The following KDM3B variants were observed in gnomAD, a reference collection of about 807,000 sequenced individuals.
KDM3B encodes the protein lysine-specific demethylase 3B.
A neutral mutation model predicts 170.0 loss-of-function variants in KDM3B; 10 were observed. The ratio of observed to expected loss-of-function variants is 0.06; its 90% CI spans 0.04 to 0.10. KDM3B has a LOEUF of 0.10. KDM3B is among the 10% of genes least tolerant of loss of function. The pLI is 1.00. For synonymous variants in KDM3B, 831 were observed against 834.8 expected (o/e 1.00, Z 0.08); for missense variants, 1,394 against 2,195.2 (o/e 0.64, Z 7.29).
chr5:138,426,923 C>G, intron 17 of KDM3B, 52 bp from the exon 18 acceptor site: 1 of 1,337,980 alleles, frequency 7.5e-7, no homozygotes, highest in Non-Finnish European at 1.1e-6. Flanking sequence ...TGTTGAAAAT[C>G]GGACACCAGC....
intron 11 of KDM3B, among the ~76,000 whole-genome samples, chr5:138,408,907 A>G (rs761641335): frequency 5.9e-5 from 9 of 152,150 alleles, no homozygotes; most frequent in Admixed American, 1.3e-4. Flanking sequence ...AATGTTAACA[A>G]TTTTTTGTGC....
At chr5:138,367,489 T>C (rs1249176137) in intron 1 of KDM3B, among the ~76,000 whole-genome samples, 4 of 152,190 alleles carry the variant, frequency 2.6e-5, no homozygotes, top group Non-Finnish European at 4.4e-5. Context: ...AAAAAACTTA[T>C]TTAAATGTCA....
chr5:138,367,181 C>T lies in KDM3B; in HGVS notation c.193-5493C>T, dbSNP rs74490371. ...ATCTTTATTATTACCCTGATTACTT[C>T]GCACTGTAATAATTTCTGTACCTCT... On this transcript the variant is annotated intron_variant, in intron 1 of 23. Transcript: ENST00000314358. 7.6e-4 allele frequency among the ~76,000 whole-genome samples: 115 copies of T among 152,260 alleles called. 5 individuals carry two copies. The East Asian group carries it at 0.021, about 28-fold the overall frequency.
At chr5:138,404,998 C>A (rs1762780004) in intron 11 of KDM3B, among the ~76,000 whole-genome samples, 1 of 151,530 alleles carries the variant, frequency 6.6e-6, no homozygotes, top group Non-Finnish European at 1.5e-5. Flanking sequence ...ATCTCAGCCT[C>A]CCAAAGTGCT....
At chr5:138,374,873 A>T (rs919003018) in intron 2 of KDM3B, among the ~76,000 whole-genome samples, 1 of 152,216 alleles carries the variant, frequency 6.6e-6, no homozygotes, top group African/African-American at 2.4e-5. Context: ...TTTTTAGCCA[A>T]TAAGAGTATT....
intron 10 of KDM3B, 81 bp downstream of exon 10, chr5:138,398,473 A>T: frequency 8.0e-7 from 1 of 1,245,344 alleles, no homozygotes; most frequent in South Asian, 1.3e-5. Flanking sequence ...AAGATTGGGG[A>T]CAGTGGCAGA....
chr5:138,384,042 G>A (rs1396726037), intron 6 of KDM3B, among the ~76,000 whole-genome samples: 1 of 145,482 alleles, frequency 6.9e-6, no homozygotes, highest in Non-Finnish European at 1.5e-5. Flanking sequence ...GGATCACGAG[G>A]TCAGGAGATC....
intron 7 of KDM3B, 135 bp from the exon 8 acceptor site, chr5:138,390,878 A>G (rs2126949409): frequency 1.3e-6 from 1 of 769,550 alleles, no homozygotes; most frequent in African/African-American, 1.8e-5. Flanking sequence ...ACAAGAGCAG[A>G]TCCATGGAAT....
intron 23 of KDM3B, 85 bp downstream of exon 23, chr5:138,431,644 G>T: frequency 8.1e-7 from 1 of 1,238,390 alleles, no homozygotes; most frequent in Non-Finnish European, 1.1e-6. Context: ...TCCTTTCTGA[G>T]GGTATTCTCC....
intron 11 of KDM3B, 27 bp downstream of exon 11, chr5:138,400,039 C>T (rs781489097): frequency 5.6e-6 from 9 of 1,610,624 alleles, no homozygotes; most frequent in African/African-American, 2.7e-5. Flanking sequence ...CTGTGTAGCT[C>T]GAAAGGTAAC....
intron 9 of KDM3B, chr5:138,397,969 G>C (rs1327730578): frequency 2.1e-6 from 1 of 469,298 alleles, no homozygotes; most frequent in Non-Finnish European, 3.8e-6. Context: ...AGGAACTCTG[G>C]GACAGCTTTT....
chr5:138,386,495 G>T lies in KDM3B; in HGVS notation c.1254G>T (p.Val418=). Residue 418 remains valine, a synonymous_variant, in exon 7 of 24, where the codon GTG becomes GTT. Transcript: ENST00000314358. ...KTLEQVGQGI[V]ASAAVVTTAS... is the part of the protein sequence containing the mutation. ...TGGAACAAGTTGGCCAGGGCATAGT[G>T]GCTTCCGCAGCTGTGGTCACTACCG... 1 of 1,614,140 alleles carries T rather than the reference G, an allele frequency of 6.2e-7. No homozygotes were observed. Among genetic ancestry groups the T allele is most frequent in the Non-Finnish European group, 8.5e-7 (1 of 1,180,032 alleles).
At chr5:138,385,579 A>G (rs575248767) in intron 6 of KDM3B, among the ~76,000 whole-genome samples, 170 of 152,306 alleles carry the variant, frequency 1.1e-3, no homozygotes, top group Non-Finnish European at 1.3e-3. Flanking sequence ...TGGTTTAGTG[A>G]CTTCTGGTTA....
At chr5:138,363,297 C>T (rs937172802) in intron 1 of KDM3B, among the ~76,000 whole-genome samples, 3 of 152,176 alleles carry the variant, frequency 2.0e-5, no homozygotes, top group Admixed American at 6.5e-5. Context: ...GGAATTTCTA[C>T]TCCGTGGCCC....
intron 7 of KDM3B, among the ~76,000 whole-genome samples, chr5:138,389,691 T>G (rs562933655): frequency 1.1e-4 from 17 of 152,080 alleles, no homozygotes; most frequent in African/African-American, 4.1e-4. Flanking sequence ...GGTTAGCAAG[T>G]CAAGTACTAG....
rs1301363836 is a variant in KDM3B, at chr5:138,428,065, G to A, written c.4732G>A (p.Gly1578Arg). The change falls in exon 20 of 24, where the codon GGG becomes AGG. Residue 1578 changes from glycine (G) to arginine (R), a missense_variant. Gly to Arg is a moderately radical substitution (Grantham distance 125). Around this residue, in one of 19 missense-constraint regions of KDM3B, gnomAD observed 79 missense variants for 270.5 expected, o/e 0.29. Transcript: ENST00000314358. ...NVMVYVGIPI[G>R]EGAHDEEVLK... ...GATGGTGTATGTTGGGATTCCCATC[G>A]GGGAGGGTGCTCATGATGAAGGTAT... 4.3e-6 allele frequency: 7 copies of A among 1,613,802 alleles called. No individual in the cohort carries two copies. The highest frequency in any genetic ancestry group is 4.5e-5 in the East Asian group (2 of 44,882).
intron 23 of KDM3B, among the ~76,000 whole-genome samples, chr5:138,433,921 G>A (rs1399136828): frequency 6.6e-6 from 1 of 151,262 alleles, no homozygotes; most frequent in Non-Finnish European, 1.5e-5. Context: ...TGTATTTTTA[G>A]TAGAGACAGG....
chr5:138,353,195 G>C (rs1289808950), intron 1 of KDM3B, among the ~76,000 whole-genome samples: 1 of 152,234 alleles, frequency 6.6e-6, no homozygotes, highest in East Asian at 1.9e-4. Context: ...GTTTCCCCCG[G>C]GGGGCGGCCA....
rs1761516792 is a variant in KDM3B, at chr5:138,358,590, G to A, written c.192+5603G>A. Among the ~76,000 whole-genome samples the A allele has an allele frequency of 2.1e-5, 3 of 143,398 alleles. No homozygotes were observed. The South Asian group carries it at 6.8e-4, about 33-fold the overall frequency. The allele number at this position is 143,398 out of a possible 152,430, so 94.1% of individuals were successfully genotyped here. ...CAAACTGCTGGGATTACAGTCATGA[G>A]CCACCGCACCCAGCCTTTTTTTTTT... is the stretch of plus-strand genomic sequence containing the variant. On this transcript the variant is annotated intron_variant, in intron 1 of 23. Coordinates refer to ENST00000314358, the MANE Select transcript of KDM3B (RefSeq NM_016604.4).
Sources: allele counts gnomAD v4.1 joint callset (sites outside exome capture counted in the v4.1 genomes callset), GRCh38; gene constraint gnomAD v4.1.1; regional missense constraint gnomAD v4.1.1; transcripts MANE v1.5; gene names NCBI Gene and HGNC (gene_info 2026-07-23, HGNC 2026-07-21).